Variants in ITPR3 observed in about 807,000 individuals in gnomAD.
ITPR3 encodes the protein inositol 1,4,5-trisphosphate-gated calcium channel ITPR3.
A neutral mutation model predicts 293.2 loss-of-function variants in ITPR3; 173 were observed. The ratio of observed to expected loss-of-function variants is 0.59; its 90% confidence interval spans 0.52 to 0.67. ITPR3 has a LOEUF of 0.67. Ranked by LOEUF, ITPR3 falls within the 30% of genes least tolerant of loss-of-function variation. ITPR3 has a pLI of 0.00. For synonymous variants in ITPR3, 1,295 were observed against 1,444.4 expected (o/e 0.90, Z 2.35); for missense variants, 2,796 against 3,592.1 (o/e 0.78, Z 5.66).
Position 33,664,206 on chromosome 6 carries a change from G to A in ITPR3, c.1148+326G>A, listed in dbSNP as rs998125567. On this transcript the variant is annotated intron_variant, in intron 11 of 57. Transcript: ENST00000605930. The surrounding 1 kb of genome is among the most constrained non-coding windows in gnomAD (Gnocchi z 4.4). ...CAGACTCTCTGGCCTTTGAGGTCCC[G>A]CCAACCCCGAGATTCTAGGACGGAA... Among the ~76,000 whole-genome samples, 10 of 152,162 alleles carry A rather than the reference G, an allele frequency of 6.6e-5. No homozygotes were observed. Among genetic ancestry groups the A allele is most frequent in the African/African-American group, 2.4e-4 (10 of 41,442 alleles).
intron 1 of ITPR3, among the ~76,000 whole-genome samples, chr6:33,635,814 G>C (rs181953586): frequency 6.6e-6 from 1 of 151,796 alleles, no homozygotes; most frequent in Non-Finnish European, 1.5e-5. Context: ...CCTGGAGGGG[G>C]CTCCAGGGCT....
intron 2 of ITPR3, among the ~76,000 whole-genome samples, chr6:33,650,984 C>G (rs1764173009): frequency 6.6e-6 from 1 of 152,036 alleles, no homozygotes; most frequent in Non-Finnish European, 1.5e-5. Context: ...TTTGAAAAGT[C>G]TGGTTTGAGT....
chr6:33,694,645 A>C (rs1337138147), intron 56 of ITPR3: 4 of 443,342 alleles, frequency 9.0e-6, no homozygotes, highest in Admixed American at 3.8e-5. Context: ...GAGAGTAAAC[A>C]GATGGTGCTG....
chr6:33,640,356 A>C, intron 1 of ITPR3, 128 bp from the exon 2 acceptor site: 1 of 777,822 alleles, frequency 1.3e-6, no homozygotes, highest in Non-Finnish European at 2.0e-6. Flanking sequence ...GATGGTGGGG[A>C]GCTTGTTAGA....
rs1225395647 is a variant in ITPR3, at chr6:33,692,481, C to T, written c.7459-247C>T. On this transcript the variant is annotated intron_variant, in intron 54 of 57. Coordinates refer to ENST00000605930, the MANE Select transcript of ITPR3 (RefSeq NM_002224.4). The surrounding 1 kb of genome is among the most constrained non-coding windows in gnomAD (Gnocchi z 4.2). The stretch of plus-strand genomic sequence containing the variant: ...CCCGCCAGACTCCTTCTGCAGGCCT[C>T]CACCCCGGCGTGTCCTGAGTCCACG... 6.6e-6 allele frequency among the ~76,000 whole-genome samples: 1 copy of T among 152,088 alleles called. No individual in the cohort carries two copies. Among genetic ancestry groups the T allele is most frequent in the Non-Finnish European group, 1.5e-5 (1 of 68,018 alleles).
intron 16 of ITPR3, 139 bp from the exon 17 acceptor site, chr6:33,668,376 C>G: frequency 8.5e-7 from 1 of 1,175,676 alleles, no homozygotes; most frequent in Non-Finnish European, 1.2e-6. Context: ...GGAGTCCATC[C>G]CACCCATCTC....
chr6:33,622,694 T>C (rs4713642), intron 1 of ITPR3, among the ~76,000 whole-genome samples: 141,901 of 152,244 alleles, frequency 0.93, 66,306 homozygotes, highest in East Asian at 0.98. Flanking sequence ...GGTGCCTTCT[T>C]TCTGATGGCC....
At chr6:33,665,738 C>T in intron 13 of ITPR3, 97 bp from the exon 14 acceptor site, 7 of 1,388,078 alleles carry the variant, frequency 5.0e-6, no homozygotes, top group Non-Finnish European at 7.0e-6. Context: ...GCTGAGTGAA[C>T]TCATGAAAGC....
intron 10 of ITPR3, 54 bp downstream of exon 10, chr6:33,663,604 CG>C: frequency 6.3e-7 from 1 of 1,598,030 alleles, no homozygotes; most frequent in Non-Finnish European, 8.5e-7. Flanking sequence ...TGGGGGTAGG[CG>C]GGGGCAGGGG....
chr6:33,691,992 G>A lies in ITPR3; in HGVS notation c.7458+64G>A, dbSNP rs1161165453. The A allele has an allele frequency of 1.2e-6, 2 of 1,604,324 alleles. No homozygotes were observed. The highest frequency in any genetic ancestry group is 4.5e-5 in the East Asian group (2 of 44,772). ...AGCCACTGTCCAGATCAGCAACTGTGGAGAGTCCTGTCCTTGGCCTCGCGT... is the reference window on the plus strand; with the variant it reads ...AGCCACTGTCCAGATCAGCAACTGTAGAGAGTCCTGTCCTTGGCCTCGCGT... On this transcript the variant is annotated intron_variant, in intron 54 of 57. Transcript: ENST00000605930. The surrounding 1 kb of genome is among the most constrained non-coding windows in gnomAD (Gnocchi z 4.9).
rs764914697 is a variant in ITPR3 at position 33,633,941 on chromosome 6, G to C, written c.90-6543G>C. ...GCTCCCACCACGCAGCGATGGGGAG[G>C]TCGCGGCCTCGCCCGGTGAGGCTCC... On this transcript the variant is annotated intron_variant, in intron 1 of 57. Transcript: ENST00000605930. The surrounding 1 kb of genome is among the most constrained non-coding windows in gnomAD (Gnocchi z 5.2). Among the ~76,000 whole-genome samples the C allele has an allele frequency of 6.6e-5, 10 of 151,852 alleles. No individual in the cohort carries two copies. Among genetic ancestry groups the C allele is most frequent in the Non-Finnish European group, 1.0e-4 (7 of 67,912 alleles).
At chr6:33,627,864 T>C (rs1305239410) in intron 1 of ITPR3, among the ~76,000 whole-genome samples, 1 of 152,130 alleles carries the variant, frequency 6.6e-6, no homozygotes, top group Non-Finnish European at 1.5e-5. Flanking sequence ...GGAGAAGGGA[T>C]GAAGTGGAGA....
intron 7 of ITPR3, among the ~76,000 whole-genome samples, chr6:33,662,012 A>AAAAAAAAAAAAAAC (rs1244199747): frequency 6.7e-6 from 1 of 149,276 alleles, no homozygotes; most frequent in Non-Finnish European, 1.5e-5. Flanking sequence ...AAAAAAAAAA[A>AAAAAAAAAAAAAAC]AAAAAGACAG....
rs753709144 is a variant in ITPR3 at position 33,633,886 on chromosome 6, C to A, written c.90-6598C>A. Among the ~76,000 whole-genome samples, 3 of 150,262 alleles carry A rather than the reference C, an allele frequency of 2.0e-5. No individual in the cohort carries two copies. The highest frequency in any genetic ancestry group is 4.5e-5 in the Non-Finnish European group (3 of 67,348). The stretch of plus-strand genomic sequence containing the variant: ...GGCGGGGCCAGGGAGGCCAGACCTA[C>A]GCTCTCCGGAGCCGCGCGGACCCAG... On this transcript the variant is annotated intron_variant, in intron 1 of 57. Transcript: ENST00000605930. The surrounding 1 kb of genome is among the most constrained non-coding windows in gnomAD (Gnocchi z 5.2).
chr6:33,685,520 C>T lies in ITPR3; in HGVS notation c.5469C>T (p.Asp1823=), dbSNP rs773815727. ...SQPHEDREPV[D]PTTKGRVASF... is the part of the protein sequence containing the mutation. Reference sequence around the variant, plus strand: ...CACATGAGGACCGCGAGCCAGTCGACCCCACCACCAAAGGTCAGGGGTCTG... The same window carrying T: ...CACATGAGGACCGCGAGCCAGTCGATCCCACCACCAAAGGTCAGGGGTCTG... The change falls in exon 40 of 58, where the codon GAC becomes GAT. Residue 1823 remains aspartate (D), a synonymous_variant. Coordinates refer to ENST00000605930, the MANE Select transcript of ITPR3 (RefSeq NM_002224.4). 3 of 1,613,454 alleles carry T rather than the reference C, an allele frequency of 1.9e-6. No homozygotes were observed. The highest frequency in any genetic ancestry group is 2.5e-6 in the Non-Finnish European group (3 of 1,179,638).
In ITPR3 at chr6:33,658,977, G is replaced by C. The variant is rs751236158; in HGVS notation, c.529-44G>C. The C allele has an allele frequency of 7.5e-6, 12 of 1,609,088 alleles. No individual in the cohort carries two copies. The highest frequency in any genetic ancestry group is 9.4e-6 in the Non-Finnish European group (11 of 1,175,734). Reference sequence around the variant, plus strand: ...GAGGCCTGGAGGCGTGGTGACAAGAGGGCCCTGCCCTTCCCACCTAACCTG... The same window carrying C: ...GAGGCCTGGAGGCGTGGTGACAAGACGGCCCTGCCCTTCCCACCTAACCTG... On this transcript the variant is annotated intron_variant, in intron 5 of 57. Transcript: ENST00000605930. This position sits in a 1 kb window ranked among gnomAD's most constrained non-coding sequence, Gnocchi z 6.1.
chr6:33,631,430 C>A (rs11755257), intron 1 of ITPR3, among the ~76,000 whole-genome samples: 19,745 of 152,180 alleles, frequency 0.13, 1,778 homozygotes, highest in Middle Eastern at 0.22. Flanking sequence ...GGCGGCCCTT[C>A]CCTTTTAGGT....
Position 33,686,042 on chromosome 6 carries a change from G to A in ITPR3, c.5668-11G>A. 6.2e-7 allele frequency: 1 copy of A among 1,613,770 alleles called. No individual in the cohort carries two copies. Among genetic ancestry groups the A allele is most frequent in the Non-Finnish European group, 8.5e-7 (1 of 1,179,970 alleles). On this transcript the variant is annotated splice_polypyrimidine_tract_variant and intron_variant, in intron 41 of 57. Coordinates refer to ENST00000605930, the MANE Select transcript of ITPR3 (RefSeq NM_002224.4). ...TAGCTGTGCTGTGCCCAACCCTTCT[G>A]TGCCCCGCAGAACTTCCTGCGCTGT...
intron 6 of ITPR3, 39 bp from the exon 7 acceptor site, chr6:33,659,427 G>A (rs1395040542): frequency 8.2e-6 from 13 of 1,581,728 alleles, no homozygotes; most frequent in Non-Finnish European, 1.1e-5. Flanking sequence ...CAGTGGCTGG[G>A]GTCCACCTGG....
Sources: allele counts gnomAD v4.1 joint callset (sites outside exome capture counted in the v4.1 genomes callset), GRCh38; gene constraint gnomAD v4.1.1; non-coding constraint Gnocchi (gnomAD v3.1); transcripts MANE v1.5; gene names NCBI Gene and HGNC (gene_info 2026-07-23, HGNC 2026-07-21).